ENTREP2: variants seen among roughly 807,000 people sequenced by gnomAD.
ENTREP2 encodes the protein endosomal transmembrane epsin interactor 2, also known as protein ENTREP2.
chr15:29,502,582 A>T, the ENTREP2 span, among the ~76,000 whole-genome samples: 1 of 152,058 alleles, frequency 6.6e-6, no homozygotes, highest in African/African-American at 2.4e-5. Flanking sequence ...AAGAAAAAAT[A>T]GATGAATTGA....
At chr15:29,151,788 C>T in the ENTREP2 span, 29 of 1,551,500 alleles carry the variant, frequency 1.9e-5, no homozygotes, top group Non-Finnish European at 2.3e-5. Context: ...CTGTGGCCAG[C>T]GCACACACGA....
the ENTREP2 span, among the ~76,000 whole-genome samples, chr15:29,389,056 A>G: frequency 1.3e-5 from 2 of 152,056 alleles, no homozygotes; most frequent in Admixed American, 6.5e-5. Flanking sequence ...TGGCACATGT[A>G]TACATATGTA....
chr15:29,269,689 C>T, the ENTREP2 span: 1 of 1,551,266 alleles, frequency 6.4e-7, no homozygotes, highest in Non-Finnish European at 8.7e-7. Context: ...GCCCCGGTTC[C>T]TCGGTTTTTG....
At chr15:29,351,800 C>T in the ENTREP2 span, among the ~76,000 whole-genome samples, 3 of 149,734 alleles carry the variant, frequency 2.0e-5, no homozygotes, top group Admixed American at 6.6e-5. Context: ...CATGCCACCA[C>T]ACACAGCTTT....
At chr15:29,422,098 T>C in the ENTREP2 span, among the ~76,000 whole-genome samples, 1 of 152,160 alleles carries the variant, frequency 6.6e-6, no homozygotes, top group East Asian at 1.9e-4. Flanking sequence ...TGGAACCCTG[T>C]CTGTACTAAA....
At chr15:29,509,851 T>C in the ENTREP2 span, among the ~76,000 whole-genome samples, 1 of 152,098 alleles carries the variant, frequency 6.6e-6, no homozygotes, top group Non-Finnish European at 1.5e-5. Flanking sequence ...GAGCAAAGAC[T>C]TCATGACTAA....
At chr15:29,302,523 A>C in the ENTREP2 span, among the ~76,000 whole-genome samples, 2 of 152,222 alleles carry the variant, frequency 1.3e-5, no homozygotes, top group Non-Finnish European at 1.5e-5. Flanking sequence ...TAACAGCGAG[A>C]GTACTTTATA....
the ENTREP2 span, among the ~76,000 whole-genome samples, chr15:29,372,283 C>T: frequency 9.2e-5 from 14 of 152,266 alleles, no homozygotes; most frequent in Admixed American, 7.8e-4. Context: ...TGATGGTCCA[C>T]TTCCACTTAA....
At chr15:29,367,542 A>G in the ENTREP2 span, among the ~76,000 whole-genome samples, 21 of 152,328 alleles carry the variant, frequency 1.4e-4, no homozygotes, top group African/African-American at 5.1e-4. Context: ...ATCCTGGGGA[A>G]TAAGATGCCC....
chr15:29,429,146 T>A, the ENTREP2 span, among the ~76,000 whole-genome samples: 1 of 149,708 alleles, frequency 6.7e-6, no homozygotes, highest in Non-Finnish European at 1.5e-5. Flanking sequence ...TCTTGAGATG[T>A]CTATCTGTCC....
chr15:29,359,661 T>C, the ENTREP2 span, among the ~76,000 whole-genome samples: 1 of 152,118 alleles, frequency 6.6e-6, no homozygotes, highest in African/African-American at 2.4e-5. Flanking sequence ...TCTGCCCACC[T>C]CAGCCTCCCA....
chr15:29,628,199 C>G, the ENTREP2 span, among the ~76,000 whole-genome samples: 1 of 152,168 alleles, frequency 6.6e-6, no homozygotes, highest in African/African-American at 2.4e-5. Flanking sequence ...AGTAATATTA[C>G]ATTTTGATCT....
chr15:29,633,209 C>T, the ENTREP2 span, among the ~76,000 whole-genome samples: 1 of 152,166 alleles, frequency 6.6e-6, no homozygotes, highest in Non-Finnish European at 1.5e-5. Flanking sequence ...TGTCAGCCTT[C>T]TCCAGGGCAG....
At chr15:29,393,467 G>A in the ENTREP2 span, among the ~76,000 whole-genome samples, 27 of 152,156 alleles carry the variant, frequency 1.8e-4, 1 homozygote, top group Admixed American at 1.2e-3. Context: ...GCCACATACC[G>A]CCTGACGCTG....
At chr15:29,542,121 G>T in the ENTREP2 span, among the ~76,000 whole-genome samples, 1 of 152,166 alleles carries the variant, frequency 6.6e-6, no homozygotes, top group South Asian at 2.1e-4. Context: ...CAATTCTCCT[G>T]CCTCATTCAG....
chr15:29,162,682 A>C, the ENTREP2 span, among the ~76,000 whole-genome samples: 2 of 151,984 alleles, frequency 1.3e-5, no homozygotes, highest in Admixed American at 1.3e-4. Context: ...CTGAGCTCAG[A>C]TACGCCTGGC....
the ENTREP2 span, among the ~76,000 whole-genome samples, chr15:29,223,476 T>C: frequency 6.6e-6 from 1 of 152,170 alleles, no homozygotes; most frequent in Non-Finnish European, 1.5e-5. Context: ...TGTTCCTTCG[T>C]AGACATGCTA....
the ENTREP2 span, among the ~76,000 whole-genome samples, chr15:29,607,303 T>A: frequency 2.6e-4 from 35 of 136,810 alleles, no homozygotes; most frequent in Non-Finnish European, 4.6e-4. Context: ...TCTCTTCATT[T>A]CTTTTTTTTT....
At chr15:29,399,435 G>C in the ENTREP2 span, among the ~76,000 whole-genome samples, 2 of 152,280 alleles carry the variant, frequency 1.3e-5, no homozygotes, top group East Asian at 3.9e-4. Context: ...ACATTGGAAA[G>C]AAGAAGCAAA....
Sources: allele counts gnomAD v4.1 joint callset (sites outside exome capture counted in the v4.1 genomes callset), GRCh38; gene constraint gnomAD v4.1.1; transcripts MANE v1.5; gene names NCBI Gene and HGNC (gene_info 2026-07-23, HGNC 2026-07-21).